AKAP6: variants seen among roughly 807,000 people sequenced by gnomAD.
AKAP6 encodes A-kinase anchoring protein 6.
AKAP6 carries 58 observed loss-of-function variants against 188.5 expected under a neutral mutation model. That is an observed-to-expected ratio of 0.31 (90% CI 0.25 to 0.38). The LOEUF is 0.38. Ranked by LOEUF, AKAP6 falls within the 10% of genes least tolerant of loss-of-function variation. The pLI is 1.00. For missense variants in AKAP6, 2,710 were observed against 2,740.0 expected, an observed-to-expected ratio of 0.99 and a Z score of 0.24; for synonymous variants, 989 against 998.6, an observed-to-expected ratio of 0.99 and a Z score of 0.18.
intron 11 of AKAP6, among the ~76,000 whole-genome samples, chr14:32,744,758 TG>T (rs2031824954): frequency 6.6e-6 from 1 of 152,192 alleles, no homozygotes; most frequent in African/African-American, 2.4e-5. Flanking sequence ...TTGGCCCTTT[TG>T]AGGCAATTTT....
intron 1 of AKAP6, among the ~76,000 whole-genome samples, chr14:32,343,433 A>T (rs1886956594): frequency 6.6e-6 from 1 of 151,572 alleles, no homozygotes; most frequent in Non-Finnish European, 1.5e-5. Context: ...ATCGGTGGTC[A>T]AGTAAGTCTT....
intron 1 of AKAP6, among the ~76,000 whole-genome samples, chr14:32,378,403 C>T (rs1888228967): frequency 6.6e-6 from 1 of 152,158 alleles, no homozygotes; most frequent in East Asian, 1.9e-4. Context: ...TTTCCATCTC[C>T]ATCCCTTCCC....
chr14:32,604,668 C>T (rs1234913603), intron 7 of AKAP6, among the ~76,000 whole-genome samples: 2 of 152,058 alleles, frequency 1.3e-5, no homozygotes, highest in Admixed American at 6.6e-5. Flanking sequence ...CCTGTGCCTC[C>T]GTTTTCTCAT....
At chr14:32,528,316 C>G (rs1882232187) in intron 2 of AKAP6, among the ~76,000 whole-genome samples, 1 of 149,348 alleles carries the variant, frequency 6.7e-6, no homozygotes, top group East Asian at 2.0e-4. Context: ...ACCCTTAAGT[C>G]TGTGATATAT....
chr14:32,575,463 ATGT>A (rs1884672984), intron 4 of AKAP6, among the ~76,000 whole-genome samples: 1 of 152,128 alleles, frequency 6.6e-6, no homozygotes, highest in South Asian at 2.1e-4. Flanking sequence ...AACCTCAATG[ATGT>A]TGTCAATCAG....
At chr14:32,809,289 T>A (rs1225401773) in intron 12 of AKAP6, among the ~76,000 whole-genome samples, 1 of 152,254 alleles carries the variant, frequency 6.6e-6, no homozygotes, top group Admixed American at 6.5e-5. Flanking sequence ...CATTTAAATG[T>A]GGACAGCTGT....
intron 2 of AKAP6, among the ~76,000 whole-genome samples, chr14:32,510,296 G>A (rs190963513): frequency 3.8e-4 from 57 of 150,266 alleles, no homozygotes; most frequent in African/African-American, 1.3e-3. Context: ...AAAAGCCACC[G>A]AATTATTAAA....
intron 12 of AKAP6, among the ~76,000 whole-genome samples, chr14:32,814,259 G>A (rs116493030): frequency 0.017 from 2,519 of 152,274 alleles, 65 homozygotes; most frequent in African/African-American, 0.057. Context: ...TTTAAAGTGA[G>A]CAGTTCTGTG....
chr14:32,778,117 A>T (rs2033124495), intron 12 of AKAP6, among the ~76,000 whole-genome samples: 1 of 152,210 alleles, frequency 6.6e-6, no homozygotes, highest in Admixed American at 6.5e-5. Context: ...AAAAATGAAG[A>T]CAAAATAGTT....
chr14:32,802,475 G>A (rs2033976967), intron 12 of AKAP6, among the ~76,000 whole-genome samples: 1 of 152,204 alleles, frequency 6.6e-6, no homozygotes, highest in Admixed American at 6.5e-5. Context: ...GAAATGCAAA[G>A]TGGCAGTTTG....
At chr14:32,467,702 T>G (rs1281385929) in intron 2 of AKAP6, among the ~76,000 whole-genome samples, 1 of 151,970 alleles carries the variant, frequency 6.6e-6, no homozygotes, top group African/African-American at 2.4e-5. Context: ...GGATAACTCT[T>G]CCCTGTCCTC....
Position 32,834,423 on chromosome 14 carries a change from A to G in AKAP6, c.*4618A>G, listed in dbSNP as rs887499670. The G allele has an allele frequency of 2.6e-5, 4 of 151,770 alleles. No individual in the cohort carries two copies. Among genetic ancestry groups the G allele is most frequent in the Non-Finnish European group, 4.4e-5 (3 of 67,994 alleles). 9.4% of individuals were successfully genotyped at this position (151,770 alleles called of 1,614,324 possible). ...TGTAATATTAATACAATAATACCTG[A>G]TAGTTTATATTCAAGTTTCTCTAAC... On this transcript the variant is annotated 3_prime_UTR_variant, in exon 14 of 14. Coordinates refer to ENST00000280979, the MANE Select transcript of AKAP6 (RefSeq NM_004274.5).
intron 7 of AKAP6, among the ~76,000 whole-genome samples, chr14:32,677,257 G>A (rs1328191904): frequency 6.6e-6 from 1 of 152,184 alleles, no homozygotes; most frequent in Non-Finnish European, 1.5e-5. Flanking sequence ...TCAGGCAAAA[G>A]GCCTTGGTCA....
chr14:32,502,879 T>G (rs1378497798), intron 2 of AKAP6, among the ~76,000 whole-genome samples: 1 of 152,178 alleles, frequency 6.6e-6, no homozygotes, highest in Non-Finnish European at 1.5e-5. Context: ...TATTACAAAC[T>G]GTATTGCAAT....
intron 1 of AKAP6, among the ~76,000 whole-genome samples, chr14:32,330,833 A>C (rs1886511766): frequency 1.4e-5 from 2 of 148,120 alleles, no homozygotes. Flanking sequence ...CATCACGCAC[A>C]TGCTTGCTAC....
At position 32,821,799 on chromosome 14, in the gene AKAP6, C is replaced by T. The variant is rs964766428; in HGVS notation, c.3986C>T (p.Ser1329Leu). Residue 1329 changes from serine (S) to leucine (L), a missense_variant, in exon 13 of 14, where the codon TCA (serine) becomes TTA (leucine). This residue lies in a region of AKAP6 where 2,473 missense variants were observed against 2,426.1 expected (regional missense o/e 1.02). Transcript: ENST00000280979. Reference sequence around the variant, plus strand: ...ACTAAGAGTCTCAGTAAAGACTCTTCATTTTCATCTACCAAATCTTTGCCA... The same window carrying T: ...ACTAAGAGTCTCAGTAAAGACTCTTTATTTTCATCTACCAAATCTTTGCCA... ...VLTKSLSKDS[S>L]FSSTKSLPDL... 1.1e-5 allele frequency: 18 copies of T among 1,613,830 alleles called. No homozygotes were observed. Among genetic ancestry groups the T allele is most frequent in the Non-Finnish European group, 1.4e-5 (16 of 1,179,916 alleles).
chr14:32,348,309 G>A (rs1887135075), intron 1 of AKAP6, among the ~76,000 whole-genome samples: 1 of 152,128 alleles, frequency 6.6e-6, no homozygotes, highest in Admixed American at 6.6e-5. Flanking sequence ...AAGATACTGG[G>A]CGTAAAAAGC....
chr14:32,668,915 A>G (rs1451390316), intron 7 of AKAP6, among the ~76,000 whole-genome samples: 1 of 152,092 alleles, frequency 6.6e-6, no homozygotes, highest in East Asian at 1.9e-4. Flanking sequence ...TATATACTTA[A>G]TTTTTGACAA....
At chr14:32,419,697 G>T (rs1594595259) in intron 1 of AKAP6, among the ~76,000 whole-genome samples, 1 of 152,034 alleles carries the variant, frequency 6.6e-6, no homozygotes, top group South Asian at 2.1e-4. Flanking sequence ...ACAGGAAGCA[G>T]TTCTTTCTTG....
Sources: allele counts gnomAD v4.1 joint callset (sites outside exome capture counted in the v4.1 genomes callset), GRCh38; gene constraint gnomAD v4.1.1; regional missense constraint gnomAD v4.1.1; transcripts MANE v1.5; gene names NCBI Gene and HGNC (gene_info 2026-07-23, HGNC 2026-07-21).